SGMS2: variants seen among roughly 807,000 people sequenced by gnomAD.
The protein encoded by SGMS2 is phosphatidylcholine:ceramide cholinephosphotransferase 2.
Under a neutral mutation model 43.8 loss-of-function variants are expected in SGMS2, and 21 were observed. The observed-to-expected ratio is 0.48, with a 90% CI of 0.34 to 0.69. SGMS2 has a LOEUF of 0.69. Ranked by LOEUF, SGMS2 falls within the 30% of genes least tolerant of loss-of-function variation. The probability of loss-of-function intolerance (pLI) is 0.01; values close to 1 mark genes in which losing one functional copy is unlikely to be tolerated. For missense variants in SGMS2, 384 were observed against 443.2 expected (o/e 0.87, Z 1.20); for synonymous variants, 167 against 160.6 (o/e 1.04, Z -0.30).
intron 5 of SGMS2, 139 bp downstream of exon 5, chr4:107,903,525 A>C (rs1015914734): frequency 5.8e-6 from 4 of 688,428 alleles, no homozygotes; most frequent in Non-Finnish European, 7.2e-6. Context: ...ATGTATGTGA[A>C]TGTGAATGTG....
chr4:107,891,091 T>A (rs1730174204), intron 2 of SGMS2, among the ~76,000 whole-genome samples: 1 of 142,000 alleles, frequency 7.0e-6, no homozygotes, highest in Middle Eastern at 3.3e-3. Context: ...AATTCTTTCC[T>A]TTTTTTTCTT....
chr4:107,896,292 T>C (rs1361035716), intron 3 of SGMS2, among the ~76,000 whole-genome samples: 1 of 152,134 alleles, frequency 6.6e-6, no homozygotes, highest in East Asian at 1.9e-4. Flanking sequence ...TCCAGCAACT[T>C]GGTGCTATGG....
At chr4:107,851,748 T>C (rs1185051089) in intron 1 of SGMS2, among the ~76,000 whole-genome samples, 1 of 152,214 alleles carries the variant, frequency 6.6e-6, no homozygotes, top group African/African-American at 2.4e-5. Context: ...AAGTTTCTTG[T>C]TTTATTTTTA....
chr4:107,852,340 T>G (rs1275307919), intron 1 of SGMS2, among the ~76,000 whole-genome samples: 2 of 151,924 alleles, frequency 1.3e-5, no homozygotes, highest in African/African-American at 4.8e-5. Context: ...GCCTCCCAAG[T>G]CATAATAATT....
intron 1 of SGMS2, among the ~76,000 whole-genome samples, chr4:107,842,501 T>C (rs1437993728): frequency 1.3e-5 from 2 of 152,256 alleles, no homozygotes; most frequent in East Asian, 3.9e-4. Context: ...CCTCCAACAC[T>C]GGGGATTACA....
At chr4:107,898,709 G>A (rs1730876922) in intron 3 of SGMS2, among the ~76,000 whole-genome samples, 1 of 152,136 alleles carries the variant, frequency 6.6e-6, no homozygotes, top group Admixed American at 6.6e-5. Flanking sequence ...ATACCCATGA[G>A]GCAATGGTAC....
At chr4:107,868,096 G>A (rs1728266227) in intron 2 of SGMS2, among the ~76,000 whole-genome samples, 1 of 152,080 alleles carries the variant, frequency 6.6e-6, no homozygotes. Flanking sequence ...TGTTTAAAGT[G>A]TATATTTGTA....
At chr4:107,833,038 A>G (rs1336030825) in intron 1 of SGMS2, among the ~76,000 whole-genome samples, 1 of 152,116 alleles carries the variant, frequency 6.6e-6, no homozygotes, top group Non-Finnish European at 1.5e-5. Context: ...AAAAAAGAAA[A>G]AAGACGTTGA....
intron 2 of SGMS2, among the ~76,000 whole-genome samples, chr4:107,894,679 G>A (rs1730514727): frequency 6.6e-6 from 1 of 152,112 alleles, no homozygotes; most frequent in Non-Finnish European, 1.5e-5. Context: ...TTATTTTGAA[G>A]GCTGCCAGCT....
chr4:107,826,520 G>C (rs1021319710), intron 1 of SGMS2, among the ~76,000 whole-genome samples: 1 of 152,172 alleles, frequency 6.6e-6, no homozygotes, highest in Non-Finnish European at 1.5e-5. Context: ...AGGAAGAAAG[G>C]ACGTGAGGAA....
intron 1 of SGMS2, among the ~76,000 whole-genome samples, chr4:107,828,433 A>G (rs1340463199): frequency 3.9e-5 from 6 of 152,188 alleles, no homozygotes; most frequent in African/African-American, 1.4e-4. Context: ...CTCTACAAAA[A>G]TGGGTTCATT....
Position 107,909,700 on chromosome 4 carries a change from T to G in SGMS2, c.895-650T>G, listed in dbSNP as rs565091337. Among the ~76,000 whole-genome samples the G allele has an allele frequency of 3.8e-4, 58 of 152,320 alleles. 1 individual carries two copies. Among genetic ancestry groups the G allele is most frequent in the African/African-American group, 1.4e-3 (57 of 41,574 alleles). ...TCTCTTTTCTCCTAGTCTTGGTATG[T>G]GTCCTTGGTGTAATAGAGTTGGTCT... On this transcript the variant is annotated intron_variant, in intron 6 of 6. Transcript: ENST00000690982.
Position 107,908,724 on chromosome 4 carries a change from A to G in SGMS2, c.887A>G (p.Asn296Ser), listed in dbSNP as rs115774672. ...RLFWWYHSMA[N>S]EKNLKVSSQT... ...TTTTGGTGGTACCATTCAATGGCCA[A>G]TGAAAAGGTGAGAGCAGTGAAGATG... The change falls in exon 6 of 7, where the codon AAT becomes AGT. Residue 296 changes from asparagine (N) to serine (S), a missense_variant. By Grantham distance (46) the Asn-to-Ser change is conservative. Transcript: ENST00000690982. 4.2e-5 allele frequency: 68 copies of G among 1,613,328 alleles called. No homozygotes were observed. Among genetic ancestry groups the G allele is most frequent in the African/African-American group, 5.3e-5 (4 of 75,010 alleles).
chr4:107,899,752 C>A, intron 4 of SGMS2, 60 bp downstream of exon 4: 1 of 1,140,050 alleles, frequency 8.8e-7, no homozygotes, highest in Non-Finnish European at 1.3e-6. Flanking sequence ...GATCACTTAC[C>A]CTGTATTATA....
chr4:107,897,497 T>C (rs17563597), intron 3 of SGMS2, among the ~76,000 whole-genome samples: 4,921 of 152,308 alleles, frequency 0.032, 85 homozygotes, highest in Non-Finnish European at 0.046. Flanking sequence ...CAAGGTTTTA[T>C]TGATATATGT....
chr4:107,829,340 C>A (rs1279333706), intron 1 of SGMS2, among the ~76,000 whole-genome samples: 1 of 152,072 alleles, frequency 6.6e-6, no homozygotes, highest in Non-Finnish European at 1.5e-5. Flanking sequence ...GTTTTTCATT[C>A]ACTTTTCTAT....
intron 2 of SGMS2, chr4:107,893,744 C>T (rs555767136): frequency 2.6e-5 from 4 of 152,438 alleles, no homozygotes; most frequent in African/African-American, 9.6e-5. Context: ...CAGCTTTCCA[C>T]ATGCTTTTGC....
intron 1 of SGMS2, among the ~76,000 whole-genome samples, chr4:107,845,879 A>G (rs1474899307): frequency 1.3e-5 from 2 of 152,198 alleles, no homozygotes; most frequent in East Asian, 3.9e-4. Context: ...TTGAATAGGA[A>G]AGCTATAGGA....
intron 1 of SGMS2, among the ~76,000 whole-genome samples, chr4:107,827,422 A>T (rs1251700833): frequency 2.0e-5 from 3 of 152,164 alleles, no homozygotes; most frequent in African/African-American, 7.2e-5. Flanking sequence ...GAGTCAAAAA[A>T]GGAGAGTGCT....
Sources: allele counts gnomAD v4.1 joint callset (sites outside exome capture counted in the v4.1 genomes callset), GRCh38; gene constraint gnomAD v4.1.1; transcripts MANE v1.5; gene names NCBI Gene and HGNC (gene_info 2026-07-23, HGNC 2026-07-21).